Variants in DMTN observed in about 807,000 individuals in gnomAD.
The protein encoded by DMTN is dematin actin binding protein.
Under a neutral mutation model 59.4 loss-of-function variants are expected in DMTN, and 27 were observed. That is an observed-to-expected ratio of 0.45 (90% CI 0.33 to 0.63). The LOEUF (loss-of-function observed/expected upper bound fraction) is 0.63. DMTN is among the 20% of genes least tolerant of loss of function. DMTN has a pLI of 0.02. For missense variants in DMTN, 451 were observed against 528.9 expected (o/e 0.85, Z 1.45); for synonymous variants, 221 against 203.7 (o/e 1.08, Z -0.72).
Position 22,080,428 on chromosome 8 carries a change from T to A in DMTN, c.917T>A (p.Phe306Tyr), listed in dbSNP as rs1823391640. The A allele has an allele frequency of 6.2e-7, 1 of 1,614,230 alleles. No individual in the cohort carries two copies. Among genetic ancestry groups the A allele is most frequent in the African/African-American group, 1.3e-5 (1 of 75,062 alleles). The part of the protein sequence containing the change: ...TTLSRLQSTE[F>Y]SPSGSETGSP... ...CCTTTCTAGCTACAGTCCACAGAGT[T>A]CAGCCCATCAGGGAGTGAGACTGGA... The change falls in exon 12 of 16, where the codon TTC becomes TAC. Residue 306 changes from phenylalanine (F) to tyrosine (Y), a missense_variant. Physicochemically the swap from Phe to Tyr is conservative, Grantham distance 22 (BLOSUM62 3). Coordinates refer to ENST00000358242, the MANE Select transcript of DMTN (RefSeq NM_001387751.1).
rs1464193305 is a variant in DMTN, at chr8:22,058,803, C to T, written c.-172+1667C>T. ...AAGTGGGAGAAGAGGAGGGAGTCCC[C>T]AGGCTCTGCCAGCCTTAGGACAGAC... On this transcript the variant is annotated intron_variant, in intron 1 of 15. Transcript: ENST00000358242. This position sits in a 1 kb window ranked among gnomAD's most constrained non-coding sequence, Gnocchi z 4.3. Among the ~76,000 whole-genome samples the T allele has an allele frequency of 1.3e-5, 2 of 151,704 alleles. No homozygotes were observed. The highest frequency in any genetic ancestry group is 4.8e-5 in the African/African-American group (2 of 41,262).
intron 1 of DMTN, among the ~76,000 whole-genome samples, chr8:22,065,743 G>A (rs989563642): frequency 6.6e-6 from 1 of 151,742 alleles, no homozygotes. Context: ...GCTGAGACAG[G>A]AGAATCGCTT....
chr8:22,072,276 C>A (rs767295770), intron 8 of DMTN, 50 bp from the exon 9 acceptor site: 12 of 1,558,896 alleles, frequency 7.7e-6, no homozygotes, highest in Admixed American at 1.8e-5. Flanking sequence ...TAAACACACA[C>A]TGACCCCATG....
chr8:22,081,395 C>G lies in DMTN; in HGVS notation c.1150C>G (p.Pro384Ala), dbSNP rs770040340. Residue 384 changes from proline to alanine, a missense_variant, in exon 16 of 16, where the codon CCT (proline) becomes GCT (alanine). Transcript: ENST00000358242. The part of the protein sequence containing the change: ...EDFSRVFAMS[P>A]EEFGKLALWK... ...CTTCTCAAGGGTATTTGCCATGTCC[C>G]CTGAAGAGTTTGGCAAGCTGGCTCT... 6.2e-7 allele frequency: 1 copy of G among 1,614,084 alleles called. No homozygotes were observed. The highest frequency in any genetic ancestry group is 8.5e-7 in the Non-Finnish European group (1 of 1,179,998).
At chr8:22,059,930 G>A (rs1805109823) in intron 1 of DMTN, among the ~76,000 whole-genome samples, 1 of 152,186 alleles carries the variant, frequency 6.6e-6, no homozygotes, top group African/African-American at 2.4e-5. Context: ...GGCCCAGTGG[G>A]CGGGTCTTAT....
intron 10 of DMTN, among the ~76,000 whole-genome samples, chr8:22,074,246 G>C (rs374009167): frequency 6.8e-6 from 1 of 146,160 alleles, no homozygotes; most frequent in African/African-American, 2.5e-5. Context: ...AGGCCAAACT[G>C]AGGGGTTTTG....
chr8:22,063,385 C>G (rs558850064), intron 1 of DMTN, among the ~76,000 whole-genome samples: 5 of 152,326 alleles, frequency 3.3e-5, no homozygotes, highest in Non-Finnish European at 5.9e-5. Context: ...CAGTCTGGCT[C>G]TCAGGCTGCC....
upstream of DMTN, among the ~76,000 whole-genome samples, chr8:22,050,067 A>G (rs983938263): frequency 1.3e-5 from 2 of 152,198 alleles, no homozygotes; most frequent in Non-Finnish European, 2.9e-5. Context: ...ACTGCTCGTC[A>G]TAATTGCTTT....
intron 10 of DMTN, 149 bp downstream of exon 10, chr8:22,073,984 A>G (rs1235952010): frequency 3.2e-6 from 2 of 622,670 alleles, no homozygotes; most frequent in Non-Finnish European, 5.7e-6. Context: ...TCATGGAACA[A>G]TGTCAGATGA....
chr8:22,080,061 C>T (rs980695981), intron 10 of DMTN, 119 bp from the exon 11 acceptor site: 2 of 1,117,574 alleles, frequency 1.8e-6, no homozygotes, highest in South Asian at 1.4e-5. Flanking sequence ...CCACCAGGTT[C>T]CCCCCAGCGT....
In DMTN at chr8:22,080,211, T is replaced by A. The variant is rs764614331; in HGVS notation, c.867T>A (p.Ser289=). ...ACCAGGGAACGTCTAAATCTTCCTC[T>A]CTCCCCGCCTATGGCAGGACCACCC... ...SLHQGTSKSS[S]LPAYGRTTLS... Residue 289 remains serine, a synonymous_variant, in exon 11 of 16, where the codon TCT becomes TCA. Coordinates refer to ENST00000358242, the MANE Select transcript of DMTN (RefSeq NM_001387751.1). The A allele has an allele frequency of 1.6e-5, 26 of 1,614,002 alleles. No homozygotes were observed. The highest frequency in any genetic ancestry group is 2.7e-5 in the African/African-American group (2 of 74,906).
rs756952938 is a variant in DMTN at position 22,072,427 on chromosome 8, C to T, written c.706C>T (p.Arg236Cys). The T allele has an allele frequency of 2.5e-6, 4 of 1,577,174 alleles. No homozygotes were observed. Among genetic ancestry groups the T allele is most frequent in the East Asian group, 2.3e-5 (1 of 43,050 alleles). The change falls in exon 9 of 16, where the codon CGT becomes TGT. Residue 236 changes from arginine to cysteine, a missense_variant. Physicochemically the swap from Arg to Cys is radical, Grantham distance 180 (BLOSUM62 -3). Coordinates refer to ENST00000358242, the MANE Select transcript of DMTN (RefSeq NM_001387751.1). ...AGAGGAGATGAAGGCTCTCAGGGAG[C>T]GTCAGAGAGAGGAACTCAGTAAGGT... ...SGEEMKALRE[R>C]QREELSKVTS...
Position 22,072,357 on chromosome 8 carries a change from G to T in DMTN, c.636G>T (p.Arg212=). The change falls in exon 9 of 16, where the codon CGG becomes CGT. Residue 212 remains arginine, a synonymous_variant. Coordinates refer to ENST00000358242, the MANE Select transcript of DMTN (RefSeq NM_001387751.1). ...ETEWRKRKAS[R]RGAEEEEEEE... is the part of the protein sequence containing the mutation. ...AATGGAGGAAGCGGAAGGCGTCTCG[G>T]AGGGGAGCAGAGGAAGAGGAGGAGG... 6.2e-7 allele frequency: 1 copy of T among 1,604,416 alleles called. No individual in the cohort carries two copies. Among genetic ancestry groups the T allele is most frequent in the East Asian group, 2.2e-5 (1 of 44,502 alleles).
At chr8:22,079,953 G>T (rs1823040455) in intron 10 of DMTN, among the ~76,000 whole-genome samples, 1 of 152,170 alleles carries the variant, frequency 6.6e-6, no homozygotes, top group South Asian at 2.1e-4. Flanking sequence ...GCCACTTCTA[G>T]CTGGAGAGAA....
chr8:22,053,092 G>A (rs1013219065), upstream of DMTN, among the ~76,000 whole-genome samples: 1 of 152,150 alleles, frequency 6.6e-6, no homozygotes, highest in Non-Finnish European at 1.5e-5. Context: ...GAGGAAAAAC[G>A]GGCACGAGAA....
Position 22,081,960 on chromosome 8 carries a change from G to C in DMTN, c.*497G>C, listed in dbSNP as rs1408845510. ...CTGACTCTAGTGGGAACAGGCCCCA[G>C]CTCAGCCTCCGGCAGGGAGGTCACC... is the stretch of plus-strand genomic sequence containing the variant. On this transcript the variant is annotated 3_prime_UTR_variant, in exon 16 of 16. Transcript: ENST00000358242. 4 of 450,676 alleles carry C rather than the reference G, an allele frequency of 8.9e-6. No individual in the cohort carries two copies. Among genetic ancestry groups the C allele is most frequent in the South Asian group, 6.3e-5 (4 of 63,952 alleles). The allele number at this position is 450,676 out of a possible 1,614,324, so 27.9% of individuals were successfully genotyped here. A position where few individuals can be genotyped will look rare whatever the true frequency, so the allele number is the denominator to read the frequency against.
rs1425575076 is a variant in DMTN at position 22,082,063 on chromosome 8, C to G, written c.*600C>G. Reference sequence around the variant, plus strand: ...CTTTTGCTCCAGCCCTGCGGCTTCCCCAGAAGCCTGGGCTTAGGGTGGAGA... The same window carrying G: ...CTTTTGCTCCAGCCCTGCGGCTTCCGCAGAAGCCTGGGCTTAGGGTGGAGA... On this transcript the variant is annotated 3_prime_UTR_variant, in exon 16 of 16. Coordinates refer to ENST00000358242, the MANE Select transcript of DMTN (RefSeq NM_001387751.1). The G allele has an allele frequency of 6.6e-6, 3 of 456,688 alleles. No individual in the cohort carries two copies. Among genetic ancestry groups the G allele is most frequent in the Non-Finnish European group, 1.3e-5 (3 of 226,994 alleles). 28.3% of individuals were successfully genotyped at this position (456,688 alleles called of 1,614,324 possible). A position where few individuals can be genotyped will look rare whatever the true frequency, so the allele number is the denominator to read the frequency against.
chr8:22,067,266 C>A, intron 3 of DMTN, 107 bp downstream of exon 3: 1 of 1,335,092 alleles, frequency 7.5e-7, no homozygotes, highest in Non-Finnish European at 1.0e-6. Flanking sequence ...GTGGTGGTCC[C>A]TCCGGTGCTG....
intron 10 of DMTN, 115 bp from the exon 11 acceptor site, chr8:22,080,065 C>A (rs977831957): frequency 1.6e-5 from 19 of 1,209,536 alleles, no homozygotes; most frequent in Non-Finnish European, 2.2e-5. Flanking sequence ...CAGGTTCCCC[C>A]CAGCGTGATC....
Sources: gnomAD v4.1 joint callset for allele counts (sites outside exome capture counted in the v4.1 genomes callset) on GRCh38, gnomAD v4.1.1 for gene constraint, Gnocchi (gnomAD v3.1) non-coding constraint, MANE v1.5 for transcripts, NCBI Gene and HGNC (gene_info 2026-07-23, HGNC 2026-07-21) for gene names.